STK32A: variants seen among roughly 807,000 people sequenced by gnomAD.
The protein encoded by STK32A is serine/threonine kinase 32A.
A neutral mutation model predicts 53.2 loss-of-function variants in STK32A; 41 were observed. The observed-to-expected ratio is 0.77, with a 90% CI of 0.60 to 1.00. The LOEUF is 1.00. Among genes scored for constraint, STK32A ranks in the 50% least tolerant of loss-of-function variants. The pLI is 0.00. For missense variants in STK32A, 458 were observed against 485.8 expected, an observed-to-expected ratio of 0.94 and a Z score of 0.54; for synonymous variants, 166 against 162.8, an observed-to-expected ratio of 1.02 and a Z score of -0.15.
intron 6 of STK32A, among the ~76,000 whole-genome samples, chr5:147,344,389 A>G (rs1267142121): frequency 6.6e-6 from 1 of 152,102 alleles, no homozygotes; most frequent in Non-Finnish European, 1.5e-5. Context: ...CCTTACCTTT[A>G]CTGCTTCTGA....
chr5:147,301,965 C>T (rs1753161025), intron 4 of STK32A, among the ~76,000 whole-genome samples: 1 of 152,160 alleles, frequency 6.6e-6, no homozygotes, highest in Non-Finnish European at 1.5e-5. Flanking sequence ...ACTTCATGTT[C>T]TCCTTATTCA....
intron 2 of STK32A, among the ~76,000 whole-genome samples, chr5:147,258,173 T>TTTTTTTTTTTTTTGAGACGG (rs1466872220): frequency 1.3e-5 from 2 of 148,580 alleles, no homozygotes; most frequent in African/African-American, 2.5e-5. Context: ...TAATTTTTGT[T>TTTTTTTTTTTTTTGAGACGG]AAAGAGCAGG....
chr5:147,279,719 A>T (rs1751960542), intron 4 of STK32A, among the ~76,000 whole-genome samples: 1 of 152,018 alleles, frequency 6.6e-6, no homozygotes, highest in African/African-American at 2.4e-5. Context: ...AAAGATGGAG[A>T]TTTCTTGGAA....
At chr5:147,273,713 T>C (rs1458436194) in intron 2 of STK32A, among the ~76,000 whole-genome samples, 2 of 152,346 alleles carry the variant, frequency 1.3e-5, no homozygotes, top group South Asian at 4.1e-4. Context: ...TCTGTTGGAC[T>C]TTTTGAAAAA....
chr5:147,311,072 T>C (rs183415345), intron 4 of STK32A, among the ~76,000 whole-genome samples: 1 of 152,316 alleles, frequency 6.6e-6, no homozygotes, highest in East Asian at 1.9e-4. Flanking sequence ...CTGTGCAAAC[T>C]GTAGATTTTT....
chr5:147,336,957 G>A (rs774401433), intron 5 of STK32A, among the ~76,000 whole-genome samples: 13 of 152,148 alleles, frequency 8.5e-5, no homozygotes, highest in African/African-American at 1.4e-4. Context: ...TTTTGGTTTC[G>A]ATATACCGAT....
intron 2 of STK32A, among the ~76,000 whole-genome samples, chr5:147,241,450 GCCTGGGCGA>G (rs1319837610): frequency 1.3e-5 from 2 of 152,064 alleles, no homozygotes; most frequent in East Asian, 3.9e-4. Context: ...CTGCACTCCA[GCCTGGGCGA>G]CAGAGCGAGA....
intron 5 of STK32A, among the ~76,000 whole-genome samples, chr5:147,341,371 G>A (rs964075792): frequency 1.3e-5 from 2 of 152,044 alleles, no homozygotes; most frequent in East Asian, 3.8e-4. Context: ...AATTTCTCTG[G>A]GTGTCATTAA....
intron 12 of STK32A, 134 bp from the exon 13 acceptor site, chr5:147,383,756 T>A: frequency 1.0e-6 from 1 of 973,366 alleles, no homozygotes; most frequent in Non-Finnish European, 1.4e-6. Context: ...CACTTAAAAA[T>A]CAAAGCCTTT....
rs368236022 is a variant in STK32A at position 147,284,117 on chromosome 5, C to T, written c.260+4719C>T. On this transcript the variant is annotated intron_variant, in intron 4 of 12. Transcript: ENST00000397936. ...TATCAGGGATGCAGGAATGGCTTAA[C>T]ATACACAAGTCAATAAATGTGACAC... Among the ~76,000 whole-genome samples, 18 of 152,182 alleles carry T rather than the reference C, an allele frequency of 1.2e-4. No individual in the cohort carries two copies. In the South Asian group the frequency reaches 2.9e-3, roughly 25 times the overall value.
the STK32A span, chr5:147,395,606 G>A: frequency 2.0e-5 from 33 of 1,613,820 alleles, no homozygotes; most frequent in South Asian, 5.5e-5. Context: ...AGGTGGGTTC[G>A]GCCGAGTAGG....
At chr5:147,279,813 A>G (rs1016299576) in intron 4 of STK32A, among the ~76,000 whole-genome samples, 2 of 152,088 alleles carry the variant, frequency 1.3e-5, no homozygotes, top group Non-Finnish European at 2.9e-5. Context: ...TAGTATGTTA[A>G]TGAGTGTATG....
At chr5:147,369,941 AGGCT>A (rs1427853679) in intron 8 of STK32A, among the ~76,000 whole-genome samples, 1 of 152,194 alleles carries the variant, frequency 6.6e-6, no homozygotes, top group Admixed American at 6.5e-5. Flanking sequence ...ATATAGATAA[AGGCT>A]GTCCTCTAGT....
chr5:147,275,036 G>A (rs1755193673), intron 2 of STK32A, among the ~76,000 whole-genome samples: 1 of 152,146 alleles, frequency 6.6e-6, no homozygotes, highest in Non-Finnish European at 1.5e-5. Flanking sequence ...AAAACAGATT[G>A]CAAGTCCAGT....
intron 8 of STK32A, among the ~76,000 whole-genome samples, chr5:147,367,300 A>G (rs760220164): frequency 6.6e-6 from 1 of 152,152 alleles, no homozygotes; most frequent in Non-Finnish European, 1.5e-5. Context: ...TCCTGGGCTC[A>G]AGCAATCCAC....
At chr5:147,248,141 A>AAAAT (rs1310435155) in intron 2 of STK32A, among the ~76,000 whole-genome samples, 3 of 149,136 alleles carry the variant, frequency 2.0e-5, no homozygotes, top group African/African-American at 5.0e-5. Context: ...AAAAAAAAAA[A>AAAAT]GTGTAAAAAC....
intron 7 of STK32A, among the ~76,000 whole-genome samples, chr5:147,358,475 A>G (rs1756356181): frequency 6.6e-6 from 1 of 152,190 alleles, no homozygotes; most frequent in Admixed American, 6.5e-5. Flanking sequence ...TCTCACATGT[A>G]TAGGAACGTT....
At position 147,239,599 on chromosome 5, in the gene STK32A, T is replaced by C. The variant is rs1159661895; in HGVS notation, c.-36T>C. The C allele has an allele frequency of 1.9e-6, 3 of 1,557,548 alleles. No homozygotes were observed. The highest frequency in any genetic ancestry group is 1.2e-5 in the South Asian group (1 of 86,054). Reference sequence around the variant, plus strand: ...AAGATGGGTGTTTCTGCCCGGATAGTATAAATCGAGGATCCAGGTCTGGGC... The same window carrying C: ...AAGATGGGTGTTTCTGCCCGGATAGCATAAATCGAGGATCCAGGTCTGGGC... On this transcript the variant is annotated 5_prime_UTR_variant, in exon 2 of 13. Coordinates refer to ENST00000397936, the MANE Select transcript of STK32A (RefSeq NM_001112724.2).
At chr5:147,244,218 CTTTCTT>C (rs1374041689) in intron 2 of STK32A, among the ~76,000 whole-genome samples, 3 of 152,180 alleles carry the variant, frequency 2.0e-5, no homozygotes, top group African/African-American at 7.2e-5. Flanking sequence ...TCAAGATTCT[CTTTCTT>C]TTTAAGTCTG....
Sources: allele counts gnomAD v4.1 joint callset (sites outside exome capture counted in the v4.1 genomes callset), GRCh38; gene constraint gnomAD v4.1.1; transcripts MANE v1.5; gene names NCBI Gene and HGNC (gene_info 2026-07-23, HGNC 2026-07-21).